Variants in LSM14A observed in about 807,000 individuals in gnomAD.
The protein encoded by LSM14A is LSM14A mRNA processing body assembly factor, also known as protein LSM14 homolog A.
In LSM14A, 14 loss-of-function variants were observed where a neutral mutation model predicts 52.4. That is an observed-to-expected ratio of 0.27 (90% CI 0.18 to 0.42). LSM14A has a LOEUF of 0.42. LSM14A is among the 10% of genes least tolerant of loss of function. LSM14A has a pLI of 1.00. For missense variants in LSM14A, 417 were observed against 581.8 expected (o/e 0.72, Z 2.91); for synonymous variants, 185 against 200.3 (o/e 0.92, Z 0.64).
At chr19:34,177,215 T>A (rs1251147117) in intron 1 of LSM14A, among the ~76,000 whole-genome samples, 2 of 152,240 alleles carry the variant, frequency 1.3e-5, no homozygotes, top group Non-Finnish European at 2.9e-5. Context: ...CAGAAGTTCT[T>A]CATTTTAATG....
In LSM14A at chr19:34,228,301, A is replaced by G. The variant is rs1348132906; in HGVS notation, c.*913A>G. 6.5e-6 allele frequency: 1 copy of G among 152,674 alleles called. No homozygotes were observed. Among genetic ancestry groups the G allele is most frequent in the Non-Finnish European group, 1.5e-5 (1 of 68,048 alleles). 9.5% of individuals were successfully genotyped at this position (152,674 alleles called of 1,614,324 possible). ...AACTTCATTTTGTAGCAAATGGCAT[A>G]TCACAGGATCTGTCCAGATAATCGA... is the stretch of plus-strand genomic sequence containing the variant. On this transcript the variant is annotated 3_prime_UTR_variant, in exon 10 of 10. Transcript: ENST00000544216.
chr19:34,208,842 T>C (rs2071908523), intron 3 of LSM14A, 87 bp from the exon 4 acceptor site: 2 of 846,490 alleles, frequency 2.4e-6, no homozygotes. Context: ...ACAATTACCA[T>C]CATTAAAATG....
intron 1 of LSM14A, among the ~76,000 whole-genome samples, chr19:34,175,278 C>T (rs946597555): frequency 1.3e-5 from 2 of 151,518 alleles, no homozygotes; most frequent in Admixed American, 6.6e-5. Context: ...TTGCCCAGGC[C>T]GGAGTGCAGT....
chr19:34,216,726 G>A (rs1290565529), intron 6 of LSM14A, among the ~76,000 whole-genome samples: 1 of 152,084 alleles, frequency 6.6e-6, no homozygotes, highest in African/African-American at 2.4e-5. Context: ...CCGAAGTATT[G>A]GGATTATAGG....
chr19:34,214,800 C>T (rs1388550535), intron 4 of LSM14A, among the ~76,000 whole-genome samples: 1 of 149,152 alleles, frequency 6.7e-6, no homozygotes, highest in Admixed American at 6.7e-5. Flanking sequence ...TCTAGGGAAT[C>T]TCGTACCTGG....
chr19:34,220,465 G>A (rs1372123059), intron 8 of LSM14A, among the ~76,000 whole-genome samples: 5 of 152,130 alleles, frequency 3.3e-5, no homozygotes, highest in African/African-American at 4.8e-5. Flanking sequence ...AGCCAGAACC[G>A]AAGTGCTAAT....
intron 6 of LSM14A, among the ~76,000 whole-genome samples, chr19:34,218,014 T>TGTC: frequency 1.1e-5 from 1 of 89,182 alleles, no homozygotes; most frequent in South Asian, 3.4e-4. Flanking sequence ...TTTTTTTTTT[T>TGTC]CCCCCTGGAG....
chr19:34,196,595 G>C lies in LSM14A; in HGVS notation c.286-39G>C, dbSNP rs372188679. On this transcript the variant is annotated intron_variant, in intron 2 of 9. Coordinates refer to ENST00000544216, the MANE Select transcript of LSM14A (RefSeq NM_015578.4). The stretch of plus-strand genomic sequence containing the variant: ...TTTTTTTTTTCGTTATATACATGTT[G>C]CTTAGAGCTTGGAAACATAACTCAT... The C allele has an allele frequency of 4.5e-6, 7 of 1,548,648 alleles. No homozygotes were observed. The African/African-American group carries it at 9.9e-5, about 22-fold the overall frequency.
chr19:34,219,579 C>T lies in LSM14A; in HGVS notation c.964+6C>T. 1 of 1,598,742 alleles carries T rather than the reference C, an allele frequency of 6.3e-7. No individual in the cohort carries two copies. The highest frequency in any genetic ancestry group is 8.5e-7 in the Non-Finnish European group (1 of 1,170,674). On this transcript the variant is annotated splice_donor_region_variant and intron_variant, in intron 7 of 9. Coordinates refer to ENST00000544216, the MANE Select transcript of LSM14A (RefSeq NM_015578.4). ...TAATAAACTTAAATTAAAAGGTAAG[C>T]TTTGATTTTTCTTTTCAGAAAATAA...
rs570586510 is a variant in LSM14A at position 34,188,707 on chromosome 19, G to A, written c.122-5771G>A. 7.6e-4 allele frequency among the ~76,000 whole-genome samples: 116 copies of A among 152,084 alleles called. 5 individuals carry two copies. Among genetic ancestry groups the A allele is most frequent in the Admixed American group, 4.6e-4 (7 of 15,266 alleles). Reference sequence around the variant, plus strand: ...TTATGTAAAAGGAATCATACACTGTGTGACGTTTTGTGTCTAGCTTCTTTT... The same window carrying A: ...TTATGTAAAAGGAATCATACACTGTATGACGTTTTGTGTCTAGCTTCTTTT... On this transcript the variant is annotated intron_variant, in intron 1 of 9. Transcript: ENST00000544216.
intron 6 of LSM14A, among the ~76,000 whole-genome samples, chr19:34,216,730 T>G (rs980325968): frequency 6.6e-6 from 1 of 152,288 alleles, no homozygotes; most frequent in Non-Finnish European, 1.5e-5. Flanking sequence ...AGTATTGGGA[T>G]TATAGGCGTG....
At chr19:34,200,258 C>T (rs968316646) in intron 3 of LSM14A, among the ~76,000 whole-genome samples, 1 of 152,130 alleles carries the variant, frequency 6.6e-6, no homozygotes, top group African/African-American at 2.4e-5. Context: ...ACTGAAGAGA[C>T]ATAACATCCA....
At chr19:34,192,316 G>GTGTTTTTTTTTT (rs2070442714) in intron 1 of LSM14A, among the ~76,000 whole-genome samples, 7 of 65,778 alleles carry the variant, frequency 1.1e-4, no homozygotes, top group African/African-American at 4.0e-4. Flanking sequence ...CATTCTTTTT[G>GTGTTTTTTTTTT]TTGTTTTTTT....
At chr19:34,192,632 C>CAAAAAAAA (rs548374017) in intron 1 of LSM14A, among the ~76,000 whole-genome samples, 39 of 76,942 alleles carry the variant, frequency 5.1e-4, no homozygotes, top group East Asian at 9.2e-4. Flanking sequence ...ATCAGTTCTG[C>CAAAAAAAA]AAAAAAAAAA....
chr19:34,202,420 GAGGT>G (rs2071366321), intron 3 of LSM14A, among the ~76,000 whole-genome samples: 1 of 150,324 alleles, frequency 6.7e-6, no homozygotes, highest in Non-Finnish European at 1.5e-5. Context: ...TTGAGCCTGA[GAGGT>G]AGAGGTTGCA....
chr19:34,203,430 A>G (rs1488514747), intron 3 of LSM14A, among the ~76,000 whole-genome samples: 1 of 152,176 alleles, frequency 6.6e-6, no homozygotes, highest in African/African-American at 2.4e-5. Context: ...GAAGCCTTGA[A>G]GAGATGCTTA....
intron 6 of LSM14A, among the ~76,000 whole-genome samples, chr19:34,216,750 A>G (rs1271477215): frequency 6.6e-6 from 1 of 152,040 alleles, no homozygotes; most frequent in African/African-American, 2.4e-5. Context: ...GAGCCACCGC[A>G]CCCAGCCAGG....
intron 1 of LSM14A, among the ~76,000 whole-genome samples, chr19:34,180,492 G>A (rs1488105826): frequency 1.3e-5 from 2 of 152,118 alleles, no homozygotes; most frequent in Non-Finnish European, 2.9e-5. Context: ...TATAAAAGAA[G>A]TAACTAGTTT....
intron 3 of LSM14A, among the ~76,000 whole-genome samples, chr19:34,202,126 GTTTTTT>G (rs113903997): frequency 2.5e-5 from 3 of 119,564 alleles, no homozygotes; most frequent in Non-Finnish European, 5.2e-5. Flanking sequence ...TTTTTAGTAA[GTTTTTT>G]TTTTTTTTTT....
Sources: allele counts gnomAD v4.1 joint callset (sites outside exome capture counted in the v4.1 genomes callset), GRCh38; gene constraint gnomAD v4.1.1; transcripts MANE v1.5; gene names NCBI Gene and HGNC (gene_info 2026-07-23, HGNC 2026-07-21).